Variants in FMN2 observed in about 807,000 individuals in gnomAD.
FMN2 encodes formin-2.
In FMN2, 51 loss-of-function variants were observed where a neutral mutation model predicts 142.3. The ratio of observed to expected loss-of-function variants is 0.36; its 90% confidence interval spans 0.29 to 0.45. The LOEUF (loss-of-function observed/expected upper bound fraction) is 0.45. Ranked by LOEUF, FMN2 falls within the 20% of genes least tolerant of loss-of-function variation. FMN2 has a pLI of 1.00. For missense variants in FMN2, 1,936 were observed against 2,122.8 expected (o/e 0.91, Z 1.73); for synonymous variants, 882 against 869.8 (o/e 1.01, Z -0.25).
chr1:240,163,145 A>G (rs1664346833), intron 2 of FMN2, among the ~76,000 whole-genome samples: 1 of 152,206 alleles, frequency 6.6e-6, no homozygotes, highest in African/African-American at 2.4e-5. Context: ...ATTGAGATTT[A>G]CCGAAGATGT....
intron 7 of FMN2, among the ~76,000 whole-genome samples, chr1:240,274,417 G>C (rs956073052): frequency 1.3e-5 from 2 of 152,092 alleles, no homozygotes; most frequent in African/African-American, 2.4e-5. Flanking sequence ...GGATCAGCAC[G>C]ATGTGAGAGT....
At chr1:240,185,881 G>A (rs902430047) in intron 3 of FMN2, among the ~76,000 whole-genome samples, 12 of 152,114 alleles carry the variant, frequency 7.9e-5, no homozygotes, top group Non-Finnish European at 1.2e-4. Flanking sequence ...AGAGCGTTCC[G>A]GAGTTTGGAT....
At chr1:240,274,287 G>A (rs1004254533) in intron 7 of FMN2, among the ~76,000 whole-genome samples, 1 of 151,872 alleles carries the variant, frequency 6.6e-6, no homozygotes, top group Admixed American at 6.6e-5. Context: ...AGGAGTCAGG[G>A]AAAGCCCAAT....
intron 16 of FMN2, chr1:240,458,533 A>G (rs1190882662): frequency 6.6e-6 from 1 of 152,238 alleles, no homozygotes; most frequent in African/African-American, 2.4e-5. Context: ...GAGAAGGGTC[A>G]GAAACTACAG....
intron 2 of FMN2, among the ~76,000 whole-genome samples, chr1:240,125,236 C>T (rs1380931268): frequency 2.0e-5 from 3 of 152,306 alleles, no homozygotes; most frequent in Non-Finnish European, 4.4e-5. Flanking sequence ...ATTCAGAGAG[C>T]TTCTTGATTC....
chr1:240,455,039 T>TA (rs34856404), intron 16 of FMN2, among the ~76,000 whole-genome samples: 11,769 of 148,204 alleles, frequency 0.079, 476 homozygotes, highest in Middle Eastern at 0.13. Flanking sequence ...TATTATTAGT[T>TA]AAAAAAAAAA....
intron 1 of FMN2, among the ~76,000 whole-genome samples, chr1:240,106,686 T>C (rs1261417139): frequency 6.6e-6 from 1 of 152,026 alleles, no homozygotes; most frequent in Non-Finnish European, 1.5e-5. Context: ...AGGAGGATTT[T>C]TTTTTCTTTT....
chr1:240,231,279 C>G (rs543757340), intron 6 of FMN2, among the ~76,000 whole-genome samples: 1 of 132,216 alleles, frequency 7.6e-6, no homozygotes, highest in East Asian at 2.2e-4. Flanking sequence ...AAGACCAAAA[C>G]AAAGCTTTTT....
rs1661006601 is a variant in FMN2 at position 240,092,324 on chromosome 1, C to T, written c.215C>T (p.Ala72Val). 2 of 1,606,998 alleles carry T rather than the reference C, an allele frequency of 1.2e-6. No individual in the cohort carries two copies. Among genetic ancestry groups the T allele is most frequent in the Non-Finnish European group, 1.7e-6 (2 of 1,176,100 alleles). ...GKKKSKSDSR[A>V]SVFSNLRIRK... ...AAGAAGAGCAAGTCCGACTCCAGAG[C>T]CTCGGTGTTTTCCAACCTGCGGATC... The change falls in exon 1 of 18, where the codon GCC becomes GTC. Residue 72 changes from alanine to valine, a missense_variant. Ala to Val is a moderately conservative substitution (Grantham distance 64). This residue lies in a region of FMN2 where 751 missense variants were observed against 791.8 expected (regional missense o/e 0.95). Transcript: ENST00000319653.
At chr1:240,428,669 A>G (rs1467111667) in intron 15 of FMN2, among the ~76,000 whole-genome samples, 1 of 152,168 alleles carries the variant, frequency 6.6e-6, no homozygotes, top group Non-Finnish European at 1.5e-5. Flanking sequence ...GCAGCTCTGG[A>G]TCTTTAATAC....
intron 1 of FMN2, among the ~76,000 whole-genome samples, chr1:240,114,123 T>G (rs2103200534): frequency 6.6e-6 from 1 of 152,308 alleles, no homozygotes; most frequent in South Asian, 2.1e-4. Context: ...TTTTTTCCAC[T>G]TCTACCCCAT....
At chr1:240,148,273 TAGAC>T (rs1276635455) in intron 2 of FMN2, among the ~76,000 whole-genome samples, 37 of 110,584 alleles carry the variant, frequency 3.3e-4, no homozygotes, top group African/African-American at 1.0e-3. Context: ...GAGACAGAGA[TAGAC>T]AGAGACAGAG....
At chr1:240,242,133 C>G (rs1402402205) in intron 6 of FMN2, among the ~76,000 whole-genome samples, 1 of 152,142 alleles carries the variant, frequency 6.6e-6, no homozygotes. Context: ...GCGTGAGCCA[C>G]CGCGCCCGGC....
intron 11 of FMN2, among the ~76,000 whole-genome samples, chr1:240,332,263 TA>T (rs11434004): frequency 1.5e-4 from 22 of 148,960 alleles, no homozygotes; most frequent in Middle Eastern, 6.8e-3. Flanking sequence ...TTACATTTGT[TA>T]AAAAAAAAAT....
intron 7 of FMN2, among the ~76,000 whole-genome samples, chr1:240,282,053 C>T (rs1669413916): frequency 6.6e-6 from 1 of 152,180 alleles, no homozygotes; most frequent in Non-Finnish European, 1.5e-5. Context: ...GCTATTTAGA[C>T]ATTGACCGAA....
Position 240,250,696 on chromosome 1 carries a change from G to T in FMN2, c.4066-7249G>T, listed in dbSNP as rs184608829. Among the ~76,000 whole-genome samples, 595 of 152,118 alleles carry T rather than the reference G, an allele frequency of 3.9e-3. 7 individuals are homozygous for T. Among genetic ancestry groups the T allele is most frequent in the African/African-American group, 0.014 (562 of 41,524 alleles). On this transcript the variant is annotated intron_variant, in intron 6 of 17. Transcript: ENST00000319653. ...TTCTTTGTACGTTTTGTAGAATTTGGCAGTGACACCATCTGGTCCTGGACT... is the reference window on the plus strand; with the variant it reads ...TTCTTTGTACGTTTTGTAGAATTTGTCAGTGACACCATCTGGTCCTGGACT...
At chr1:240,228,212 A>T (rs2103436405) in intron 6 of FMN2, among the ~76,000 whole-genome samples, 1 of 147,432 alleles carries the variant, frequency 6.8e-6, no homozygotes, top group Admixed American at 6.9e-5. Context: ...CTGAAGCAGG[A>T]GAATCGCTTG....
At position 240,143,825 on chromosome 1, in the gene FMN2, G is replaced by A. The variant is rs1444168329; in HGVS notation, c.1782+20480G>A. 1.1e-5 allele frequency: 17 copies of A among 1,546,986 alleles called. No homozygotes were observed. The East Asian group carries it at 3.6e-4, about 33-fold the overall frequency. On this transcript the variant is annotated intron_variant, in intron 2 of 17. Transcript: ENST00000319653. ...TGCTATCATTCCACAGGCTAGAGCT[G>A]TCACACCTGCCACCTCCATGCTGGA...
At chr1:240,273,328 A>T (rs748466977) in intron 7 of FMN2, among the ~76,000 whole-genome samples, 2 of 152,196 alleles carry the variant, frequency 1.3e-5, no homozygotes, top group Non-Finnish European at 2.9e-5. Context: ...TTTTATCTCC[A>T]TCTTCAGGAT....
Sources: allele counts gnomAD v4.1 joint callset (sites outside exome capture counted in the v4.1 genomes callset), GRCh38; gene constraint gnomAD v4.1.1; regional missense constraint gnomAD v4.1.1; transcripts MANE v1.5; gene names NCBI Gene and HGNC (gene_info 2026-07-23, HGNC 2026-07-21).